CDH13: variants seen among roughly 807,000 people sequenced by gnomAD.
CDH13 encodes cadherin-13.
CDH13 carries 24 observed loss-of-function variants against 63.8 expected under a neutral mutation model. The ratio of observed to expected loss-of-function variants is 0.38; its 90% confidence interval spans 0.27 to 0.53. The LOEUF (loss-of-function observed/expected upper bound fraction) is 0.53. Among genes scored for constraint, CDH13 ranks in the 20% least tolerant of loss-of-function variants. The pLI is 0.85. For synonymous variants in CDH13, 503 were observed against 355.3 expected, an observed-to-expected ratio of 1.42 and a Z score of -4.67; for missense variants, 1,049 against 903.1, an observed-to-expected ratio of 1.16 and a Z score of -2.07.
chr16:83,310,498 A>G (rs2089975729), intron 5 of CDH13, among the ~76,000 whole-genome samples: 1 of 152,202 alleles, frequency 6.6e-6, no homozygotes, highest in South Asian at 2.1e-4. Flanking sequence ...AACACTGAAG[A>G]TTCAAATTGG....
intron 5 of CDH13, among the ~76,000 whole-genome samples, chr16:83,304,849 C>T (rs1383113826): frequency 1.3e-5 from 2 of 152,162 alleles, no homozygotes; most frequent in African/African-American, 4.8e-5. Context: ...CCTCTCTCCC[C>T]CACCTTTCCT....
At chr16:82,997,359 A>G (rs1266451771) in intron 2 of CDH13, among the ~76,000 whole-genome samples, 1 of 152,206 alleles carries the variant, frequency 6.6e-6, no homozygotes, top group Non-Finnish European at 1.5e-5. Context: ...CTTCAGGGCT[A>G]GGACTAGAGT....
chr16:82,700,030 C>G (rs543206122), intron 1 of CDH13, among the ~76,000 whole-genome samples: 1 of 152,108 alleles, frequency 6.6e-6, no homozygotes, highest in Admixed American at 6.5e-5. Context: ...AGAAGTTCGC[C>G]TGTTACAGAA....
At chr16:83,031,689 C>T (rs1342180177) in intron 2 of CDH13, among the ~76,000 whole-genome samples, 1 of 152,088 alleles carries the variant, frequency 6.6e-6, no homozygotes, top group Non-Finnish European at 1.5e-5. Flanking sequence ...CCCACACATG[C>T]CAGGATTAGA....
intron 6 of CDH13, among the ~76,000 whole-genome samples, chr16:83,477,599 T>C (rs1466405014): frequency 6.6e-6 from 1 of 152,108 alleles, no homozygotes; most frequent in East Asian, 1.9e-4. Context: ...CTCGGACAGA[T>C]GATGAATTTT....
At chr16:82,831,843 T>G (rs566064774) in intron 1 of CDH13, among the ~76,000 whole-genome samples, 6 of 152,196 alleles carry the variant, frequency 3.9e-5, no homozygotes, top group Non-Finnish European at 8.8e-5. Context: ...ACCCAAGACT[T>G]TGTGGAATGA....
intron 7 of CDH13, among the ~76,000 whole-genome samples, chr16:83,590,848 A>T (rs1470577609): frequency 6.6e-6 from 1 of 151,400 alleles, no homozygotes; most frequent in African/African-American, 2.4e-5. Context: ...CTTCTGAATC[A>T]TAAATGCTGC....
chr16:83,350,298 A>G (rs1421009346), intron 6 of CDH13, among the ~76,000 whole-genome samples: 1 of 152,230 alleles, frequency 6.6e-6, no homozygotes, highest in African/African-American at 2.4e-5. Flanking sequence ...CGGGTGGGGC[A>G]GCTTTGAGAA....
rs142645666 is a variant in CDH13 at position 82,960,749 on chromosome 16, G to C, written c.158-71261G>C. On this transcript the variant is annotated intron_variant, in intron 2 of 13. Transcript: ENST00000567109. Reference sequence around the variant, plus strand: ...CTGATATCTTCTAGGGAACTTCTTTGTATAAGGACGTCATAGAGAAGGTTT... The same window carrying C: ...CTGATATCTTCTAGGGAACTTCTTTCTATAAGGACGTCATAGAGAAGGTTT... 4.4e-3 allele frequency among the ~76,000 whole-genome samples: 662 copies of C among 152,120 alleles called. 1 individual carries two copies. The highest frequency in any genetic ancestry group is 7.2e-3 in the Non-Finnish European group (489 of 67,988).
chr16:83,486,685 C>T (rs1046751061), intron 7 of CDH13, 30 bp downstream of exon 7: 2 of 1,600,948 alleles, frequency 1.2e-6, no homozygotes, highest in Non-Finnish European at 1.7e-6. Flanking sequence ...CTTTCTTTTT[C>T]ACGAGAATAG....
intron 7 of CDH13, among the ~76,000 whole-genome samples, chr16:83,537,988 A>G (rs922959899): frequency 2.6e-5 from 4 of 152,210 alleles, no homozygotes; most frequent in African/African-American, 9.6e-5. Flanking sequence ...CAAATAATAA[A>G]TGTTGATGTT....
At chr16:82,945,950 G>A (rs140568393) in intron 2 of CDH13, among the ~76,000 whole-genome samples, 27 of 152,130 alleles carry the variant, frequency 1.8e-4, no homozygotes, top group Non-Finnish European at 3.5e-4. Flanking sequence ...ATTCTTCTAC[G>A]ACTCTTTGGA....
intron 6 of CDH13, among the ~76,000 whole-genome samples, chr16:83,426,184 A>G (rs75168229): frequency 6.6e-6 from 1 of 151,868 alleles, no homozygotes; most frequent in Non-Finnish European, 1.5e-5. Flanking sequence ...TAATCACACT[A>G]TGTTCACTCC....
intron 10 of CDH13, among the ~76,000 whole-genome samples, chr16:83,746,660 G>C (rs1912613805): frequency 6.8e-6 from 1 of 147,254 alleles, no homozygotes; most frequent in African/African-American, 2.4e-5. Flanking sequence ...TCAACTTCAT[G>C]CATCTTTACC....
chr16:82,669,918 C>A (rs1913038497), intron 1 of CDH13, among the ~76,000 whole-genome samples: 1 of 152,196 alleles, frequency 6.6e-6, no homozygotes, highest in South Asian at 2.1e-4. Context: ...GAGATGTAGT[C>A]TGTTTTCCCA....
intron 6 of CDH13, among the ~76,000 whole-genome samples, chr16:83,377,916 G>A (rs2091486950): frequency 6.6e-6 from 1 of 152,172 alleles, no homozygotes; most frequent in Admixed American, 6.5e-5. Flanking sequence ...TTCTGAGAAA[G>A]TACCCCTCTG....
At chr16:82,977,714 G>A (rs1246471933) in intron 2 of CDH13, among the ~76,000 whole-genome samples, 2 of 152,138 alleles carry the variant, frequency 1.3e-5, no homozygotes, top group Non-Finnish European at 2.9e-5. Flanking sequence ...ACAGCAAATT[G>A]GTTCTGAGGG....
At chr16:82,702,780 C>G (rs895181017) in intron 1 of CDH13, among the ~76,000 whole-genome samples, 7 of 152,128 alleles carry the variant, frequency 4.6e-5, no homozygotes, top group African/African-American at 1.7e-4. Flanking sequence ...GTATGATTTC[C>G]TCTGCCTGGA....
chr16:83,027,891 A>G (rs942403693), intron 2 of CDH13, among the ~76,000 whole-genome samples: 1 of 152,200 alleles, frequency 6.6e-6, no homozygotes, highest in African/African-American at 2.4e-5. Context: ...TAGTAAATTG[A>G]TGTCTGTCTT....
Sources: gnomAD v4.1 joint callset for allele counts (sites outside exome capture counted in the v4.1 genomes callset) on GRCh38, gnomAD v4.1.1 for gene constraint, MANE v1.5 for transcripts, NCBI Gene and HGNC (gene_info 2026-07-23, HGNC 2026-07-21) for gene names.